GSK3B: variants seen among roughly 807,000 people sequenced by gnomAD.
The protein encoded by GSK3B is glycogen synthase kinase-3 beta.
A neutral mutation model predicts 56.4 loss-of-function variants in GSK3B; 15 were observed. The observed-to-expected ratio is 0.27, with a 90% confidence interval of 0.18 to 0.41. The LOEUF is 0.41. Among genes scored for constraint, GSK3B ranks in the 10% least tolerant of loss-of-function variants. The probability of loss-of-function intolerance (pLI) is 1.00; values close to 1 mark genes in which losing one functional copy is unlikely to be tolerated. For missense variants in GSK3B, 300 were observed against 513.4 expected, an observed-to-expected ratio of 0.58 and a Z score of 4.02; for synonymous variants, 181 against 188.9, an observed-to-expected ratio of 0.96 and a Z score of 0.34.
intron 8 of GSK3B, among the ~76,000 whole-genome samples, chr3:119,873,006 T>A (rs72967152): frequency 0.012 from 1,844 of 152,256 alleles, 33 homozygotes; most frequent in African/African-American, 0.042. Context: ...GTGTTTTTCT[T>A]CTTTGCAGTG....
At chr3:120,067,129 A>G (rs2058287341) in intron 1 of GSK3B, among the ~76,000 whole-genome samples, 1 of 152,102 alleles carries the variant, frequency 6.6e-6, no homozygotes, top group South Asian at 2.1e-4. Context: ...TTTCTAGACA[A>G]TGATCATAAA....
At chr3:119,886,040 T>A (rs1253711440) in intron 7 of GSK3B, among the ~76,000 whole-genome samples, 1 of 151,808 alleles carries the variant, frequency 6.6e-6, no homozygotes, top group Non-Finnish European at 1.5e-5. Flanking sequence ...AAAATAAAAA[T>A]TGGTGAGAAC....
At chr3:119,927,328 T>C (rs996268250) in intron 3 of GSK3B, among the ~76,000 whole-genome samples, 28 of 152,068 alleles carry the variant, frequency 1.8e-4, no homozygotes, top group African/African-American at 6.3e-4. Flanking sequence ...AGAGGAGACT[T>C]GGGAAAGTGA....
At chr3:119,904,616 C>T (rs1216436259) in intron 7 of GSK3B, among the ~76,000 whole-genome samples, 2 of 152,140 alleles carry the variant, frequency 1.3e-5, no homozygotes. Flanking sequence ...AACTTGATCA[C>T]AGTCCTATGT....
intron 1 of GSK3B, among the ~76,000 whole-genome samples, chr3:120,015,990 G>A (rs1184907482): frequency 6.6e-6 from 1 of 152,178 alleles, no homozygotes; most frequent in African/African-American, 2.4e-5. Flanking sequence ...TCCCACATGT[G>A]TATTTAGGTA....
intron 2 of GSK3B, among the ~76,000 whole-genome samples, chr3:119,966,599 G>A (rs1192527367): frequency 6.6e-6 from 1 of 152,154 alleles, no homozygotes; most frequent in Non-Finnish European, 1.5e-5. Flanking sequence ...CCACATTAAG[G>A]AATCAGAGAG....
intron 10 of GSK3B, among the ~76,000 whole-genome samples, chr3:119,838,639 C>G (rs2055728311): frequency 6.6e-6 from 1 of 152,088 alleles, no homozygotes; most frequent in South Asian, 2.1e-4. Flanking sequence ...TTTTTTATGG[C>G]TACATAAAAA....
chr3:119,968,937 C>T (rs961442057), intron 2 of GSK3B, among the ~76,000 whole-genome samples: 1 of 152,100 alleles, frequency 6.6e-6, no homozygotes, highest in African/African-American at 2.4e-5. Context: ...AAAATTAAAA[C>T]ATAATAAGCA....
chr3:119,952,502 AAGAAAAG>A (rs2057168051), intron 2 of GSK3B, among the ~76,000 whole-genome samples: 1 of 148,912 alleles, frequency 6.7e-6, no homozygotes, highest in African/African-American at 2.4e-5. Context: ...AAAAAAAAAA[AAGAAAAG>A]AAAGAAAAGA....
At chr3:119,979,547 A>G (rs1576244343) in intron 2 of GSK3B, among the ~76,000 whole-genome samples, 1 of 152,166 alleles carries the variant, frequency 6.6e-6, no homozygotes, top group Non-Finnish European at 1.5e-5. Flanking sequence ...AAGTGGCTGG[A>G]GTTAAAGGCA....
At chr3:119,849,393 A>G (rs1223775034) in intron 9 of GSK3B, among the ~76,000 whole-genome samples, 1 of 152,236 alleles carries the variant, frequency 6.6e-6, no homozygotes, top group Non-Finnish European at 1.5e-5. Context: ...TCAAATGAAA[A>G]CATCTCAATA....
At chr3:119,915,359 G>T (rs527889006) in intron 5 of GSK3B, among the ~76,000 whole-genome samples, 12 of 152,076 alleles carry the variant, frequency 7.9e-5, no homozygotes, top group African/African-American at 2.9e-4. Flanking sequence ...AAAAAATTTA[G>T]TTCTTACTGA....
chr3:120,032,954 C>T (rs146236240), intron 1 of GSK3B, among the ~76,000 whole-genome samples: 7 of 152,172 alleles, frequency 4.6e-5, no homozygotes, highest in African/African-American at 9.7e-5. Context: ...GCAACCATCA[C>T]CCCAATCAAT....
At chr3:120,024,276 C>T (rs966596851) in intron 1 of GSK3B, among the ~76,000 whole-genome samples, 1 of 152,042 alleles carries the variant, frequency 6.6e-6, no homozygotes, top group Non-Finnish European at 1.5e-5. Context: ...GTCAAGGCCA[C>T]AGTGAGCCAT....
chr3:119,874,628 G>C (rs145362425), intron 8 of GSK3B, among the ~76,000 whole-genome samples: 1 of 151,590 alleles, frequency 6.6e-6, no homozygotes, highest in East Asian at 1.9e-4. Context: ...TCTATAAGGA[G>C]GATAATATGT....
chr3:119,864,563 C>T (rs144353365), intron 8 of GSK3B, among the ~76,000 whole-genome samples: 5 of 152,166 alleles, frequency 3.3e-5, no homozygotes, highest in East Asian at 3.9e-4. Context: ...AAAGGTGTGA[C>T]GATGGAGGTG....
chr3:119,841,101 T>C (rs2055764533), intron 10 of GSK3B, among the ~76,000 whole-genome samples: 1 of 152,228 alleles, frequency 6.6e-6, no homozygotes, highest in Non-Finnish European at 1.5e-5. Context: ...CTCTATTAAC[T>C]ATACCCCAAT....
At chr3:119,948,613 G>A (rs1226375360) in intron 2 of GSK3B, among the ~76,000 whole-genome samples, 1 of 152,108 alleles carries the variant, frequency 6.6e-6, no homozygotes, top group East Asian at 1.9e-4. Context: ...TACAGAGAGA[G>A]GAACATAGAA....
At chr3:120,033,482 G>A (rs770108085) in intron 1 of GSK3B, among the ~76,000 whole-genome samples, 2 of 152,174 alleles carry the variant, frequency 1.3e-5, no homozygotes, top group Non-Finnish European at 2.9e-5. Context: ...ACAAACATTG[G>A]TTATAATCTG....
Sources: allele counts gnomAD v4.1 joint callset (sites outside exome capture counted in the v4.1 genomes callset), GRCh38; gene constraint gnomAD v4.1.1; transcripts MANE v1.5; gene names NCBI Gene and HGNC (gene_info 2026-07-23, HGNC 2026-07-21).